Variants in RPS6KA5 observed in about 807,000 individuals in gnomAD.
RPS6KA5 encodes ribosomal protein S6 kinase A5.
RPS6KA5 carries 27 observed loss-of-function variants against 85.5 expected under a neutral mutation model. The observed-to-expected ratio is 0.32, with a 90% CI of 0.23 to 0.44. The LOEUF (loss-of-function observed/expected upper bound fraction) is 0.44, where lower values mean the gene tolerates loss of function less well. Ranked by LOEUF, RPS6KA5 falls within the 20% of genes least tolerant of loss-of-function variation. The pLI is 1.00. For synonymous variants in RPS6KA5, 334 were observed against 348.2 expected (o/e 0.96, Z 0.46); for missense variants, 811 against 980.9 (o/e 0.83, Z 2.31).
At chr14:90,932,695 G>A (rs2037047896) in intron 5 of RPS6KA5, among the ~76,000 whole-genome samples, 2 of 152,136 alleles carry the variant, frequency 1.3e-5, no homozygotes, top group Admixed American at 1.3e-4. Context: ...CAGTTTCTAA[G>A]CATGAACTGA....
At chr14:90,922,645 T>C (rs10150585) in intron 6 of RPS6KA5, among the ~76,000 whole-genome samples, 12,207 of 152,178 alleles carry the variant, frequency 0.08, 907 homozygotes, top group African/African-American at 0.2. Flanking sequence ...GATGAGGTTT[T>C]GCCATGTTGG....
intron 3 of RPS6KA5, among the ~76,000 whole-genome samples, chr14:90,952,166 C>T (rs2038229321): frequency 6.6e-6 from 1 of 152,216 alleles, no homozygotes; most frequent in African/African-American, 2.4e-5. Context: ...TGTTTACCTC[C>T]AACCTGACTC....
At chr14:90,905,672 C>T (rs1475031367) in intron 8 of RPS6KA5, among the ~76,000 whole-genome samples, 2 of 152,010 alleles carry the variant, frequency 1.3e-5, no homozygotes. Flanking sequence ...GAATATGTAA[C>T]TGAGAAATAG....
intron 1 of RPS6KA5, among the ~76,000 whole-genome samples, chr14:91,018,873 A>T (rs2041617025): frequency 6.6e-6 from 1 of 152,020 alleles, no homozygotes; most frequent in Non-Finnish European, 1.5e-5. Context: ...ATAGCCTATT[A>T]GTTCTGTTCC....
intron 4 of RPS6KA5, among the ~76,000 whole-genome samples, chr14:90,944,949 A>T (rs554612003): frequency 3.0e-5 from 4 of 134,260 alleles, no homozygotes; most frequent in Non-Finnish European, 4.5e-5. Context: ...TTTTTTTTTT[A>T]AAAGAACAGA....
chr14:90,899,313 AAAAAAAGTAGGATACCTGATCATG>A lies in RPS6KA5; in HGVS notation c.1465_1473+15del. 1 of 1,564,552 alleles carries A rather than the reference AAAAAAAGTAGGATACCTGATCATG, an allele frequency of 6.4e-7. No individual in the cohort carries two copies. Among genetic ancestry groups the A allele is most frequent in the African/African-American group, 1.4e-5 (1 of 72,614 alleles). ...ATTAGTACACATGGGAAAAAAAAAA[AAAAAAAGTAGGATACCTGATCATG>A]AAAAACTTCATGCAACTTCACAATA... On this transcript the variant is annotated splice_donor_variant and splice_donor_5th_base_variant and coding_sequence_variant and intron_variant, in exon 12 of 17. Coordinates refer to ENST00000614987, the MANE Select transcript of RPS6KA5 (RefSeq NM_004755.4). LOFTEE classifies it high-confidence loss of function.
rs1329308040 is a variant in RPS6KA5 at position 90,863,612 on chromosome 14, AC to A, written c.*8461del. 1.3e-5 allele frequency: 2 copies of A among 152,068 alleles called. No homozygotes were observed. The highest frequency in any genetic ancestry group is 6.5e-5 in the Admixed American group (1 of 15,274). 9.4% of individuals were successfully genotyped at this position (152,068 alleles called of 1,614,324 possible). On this transcript the variant is annotated 3_prime_UTR_variant, in exon 17 of 17. Transcript: ENST00000614987. ...AGGTTTCTAAGTGAAAGGGTAATAT[AC>A]CAAAAAAACTATATTTCTATAAACT...
At chr14:91,002,885 G>T (rs1266850610) in intron 1 of RPS6KA5, among the ~76,000 whole-genome samples, 6 of 152,004 alleles carry the variant, frequency 3.9e-5, no homozygotes. Flanking sequence ...TAATTTTATA[G>T]TAAGAACAAG....
chr14:90,989,839 C>G (rs1212572976), intron 2 of RPS6KA5, among the ~76,000 whole-genome samples: 1 of 152,044 alleles, frequency 6.6e-6, no homozygotes, highest in Non-Finnish European at 1.5e-5. Flanking sequence ...TATTATTATA[C>G]TTCACACAAT....
intron 1 of RPS6KA5, among the ~76,000 whole-genome samples, chr14:91,053,138 G>A (rs1595567291): frequency 6.6e-6 from 1 of 151,970 alleles, no homozygotes; most frequent in African/African-American, 2.4e-5. Context: ...GCAGAAAAAA[G>A]CATCTGACAA....
chr14:90,972,217 A>T (rs57967065), intron 3 of RPS6KA5, among the ~76,000 whole-genome samples: 6,831 of 152,250 alleles, frequency 0.045, 406 homozygotes, highest in South Asian at 0.12. Context: ...CAGTGAAAAT[A>T]CCTTACGGTT....
Position 90,855,351 on chromosome 14 carries a change from T to C in RPS6KA5, c.*16723A>G, listed in dbSNP as rs2032220779. On this transcript the variant is annotated 3_prime_UTR_variant, in exon 17 of 17. Coordinates refer to ENST00000614987, the MANE Select transcript of RPS6KA5 (RefSeq NM_004755.4). ...AATGAGCCTGCTTCTGAGACAAAGTTAACATAGGTAAGATGAGAGAGATTT... is the reference window on the plus strand; with the variant it reads ...AATGAGCCTGCTTCTGAGACAAAGTCAACATAGGTAAGATGAGAGAGATTT... 2.0e-5 allele frequency: 3 copies of C among 152,230 alleles called. No individual in the cohort carries two copies. Among genetic ancestry groups the C allele is most frequent in the Non-Finnish European group, 4.4e-5 (3 of 68,036 alleles). The allele number at this position is 152,230 out of a possible 1,614,324, so 9.4% of individuals were successfully genotyped here.
chr14:91,024,767 C>G (rs1480200186), intron 1 of RPS6KA5, among the ~76,000 whole-genome samples: 1 of 152,144 alleles, frequency 6.6e-6, no homozygotes, highest in Non-Finnish European at 1.5e-5. Flanking sequence ...AGTCCCAGAC[C>G]AGGGTTCTGT....
chr14:90,932,737 T>A (rs1302497480), intron 5 of RPS6KA5, among the ~76,000 whole-genome samples: 4 of 152,314 alleles, frequency 2.6e-5, no homozygotes, highest in African/African-American at 9.6e-5. Context: ...AGTAGCATGA[T>A]CACGCACAAA....
In RPS6KA5 at chr14:90,950,595, A is replaced by T. The variant is rs1015702060; in HGVS notation, c.395-3045T>A. Among the ~76,000 whole-genome samples the T allele has an allele frequency of 3.3e-4, 50 of 152,184 alleles. 3 individuals are homozygous for T. The highest frequency in any genetic ancestry group is 3.2e-3 in the Admixed American group (49 of 15,278). The stretch of plus-strand genomic sequence containing the variant: ...CCTACTTTGTTGAGCGTTATTATGA[A>T]GGAGTTGAATTTTGGCAAATACTGT... On this transcript the variant is annotated intron_variant, in intron 3 of 16. Transcript: ENST00000614987.
At chr14:90,975,104 T>C (rs1475194736) in intron 3 of RPS6KA5, among the ~76,000 whole-genome samples, 1 of 152,206 alleles carries the variant, frequency 6.6e-6, no homozygotes. Flanking sequence ...AATAAGTTTT[T>C]ATTTTCTTAT....
chr14:90,899,444 A>G lies in RPS6KA5; in HGVS notation c.1380-22T>C, dbSNP rs201869803. ...CATCCTGCAAGATGAGACACTTAGCATCCACATGTCTCTTCAAGAAAGTTT... is the reference window on the plus strand; with the variant it reads ...CATCCTGCAAGATGAGACACTTAGCGTCCACATGTCTCTTCAAGAAAGTTT... On this transcript the variant is annotated intron_variant, in intron 11 of 16. Coordinates refer to ENST00000614987, the MANE Select transcript of RPS6KA5 (RefSeq NM_004755.4). 1.6e-3 allele frequency: 2,497 copies of G among 1,543,202 alleles called. 6 individuals are homozygous for G. The highest frequency in any genetic ancestry group is 2.0e-3 in the Non-Finnish European group (2,285 of 1,118,244).
At chr14:91,011,825 G>C (rs2139747950) in intron 1 of RPS6KA5, among the ~76,000 whole-genome samples, 1 of 152,174 alleles carries the variant, frequency 6.6e-6, no homozygotes, top group African/African-American at 2.4e-5. Context: ...TTAATTAACA[G>C]CAATATATAC....
At chr14:90,880,302 C>T (rs2033752308) in intron 14 of RPS6KA5, among the ~76,000 whole-genome samples, 1 of 152,138 alleles carries the variant, frequency 6.6e-6, no homozygotes, top group Non-Finnish European at 1.5e-5. Context: ...CCCCCACAAC[C>T]CCGGCAACCA....
Sources: gnomAD v4.1 joint callset for allele counts (sites outside exome capture counted in the v4.1 genomes callset) on GRCh38, gnomAD v4.1.1 for gene constraint, MANE v1.5 for transcripts, NCBI Gene and HGNC (gene_info 2026-07-23, HGNC 2026-07-21) for gene names.